OXR1: variants seen among roughly 807,000 people sequenced by gnomAD.
OXR1 encodes the protein oxidation resistance protein 1.
A neutral mutation model predicts 104.6 loss-of-function variants in OXR1; 41 were observed. That is an observed-to-expected ratio of 0.39 (90% confidence interval 0.31 to 0.51). The LOEUF is 0.51. OXR1 is among the 20% of genes least tolerant of loss of function. OXR1 has a pLI of 0.77. For synonymous variants in OXR1, 348 were observed against 348.4 expected (o/e 1.00, Z 0.01); for missense variants, 955 against 1,031.9 (o/e 0.93, Z 1.02).
intron 3 of OXR1, among the ~76,000 whole-genome samples, chr8:106,530,881 A>G (rs532241615): frequency 6.6e-6 from 1 of 152,360 alleles, no homozygotes; most frequent in African/African-American, 2.4e-5. Flanking sequence ...TTCAGGACAC[A>G]GAAGATATTA....
intron 2 of OXR1, among the ~76,000 whole-genome samples, chr8:106,436,895 A>G (rs957826384): frequency 2.6e-5 from 4 of 152,190 alleles, no homozygotes; most frequent in Admixed American, 6.5e-5. Context: ...CCCCTGGGGC[A>G]GGAAGATCAG....
At chr8:106,657,790 C>T in intron 3 of OXR1, 1 of 1,209,562 alleles carries the variant, frequency 8.3e-7, no homozygotes, top group Non-Finnish European at 1.0e-6. Flanking sequence ...TTTTGCTCCC[C>T]CGACGCGTGG....
At chr8:106,673,333 G>A (rs776081832) in intron 3 of OXR1, among the ~76,000 whole-genome samples, 17 of 152,088 alleles carry the variant, frequency 1.1e-4, no homozygotes, top group East Asian at 3.9e-4. Context: ...TATATAGAAC[G>A]TGAGAGAGAT....
At chr8:106,610,368 A>C (rs1820725084) in intron 3 of OXR1, among the ~76,000 whole-genome samples, 1 of 152,170 alleles carries the variant, frequency 6.6e-6, no homozygotes, top group African/African-American at 2.4e-5. Context: ...CCTCCAATCC[A>C]TCTTCTCATT....
intron 2 of OXR1, among the ~76,000 whole-genome samples, chr8:106,511,815 GA>G (rs1812551625): frequency 6.6e-6 from 1 of 152,176 alleles, no homozygotes; most frequent in South Asian, 2.1e-4. Flanking sequence ...CCTAATTCCA[GA>G]ATGTGGCCTT....
intron 2 of OXR1, among the ~76,000 whole-genome samples, chr8:106,409,216 G>A (rs1201760844): frequency 6.6e-6 from 1 of 152,086 alleles, no homozygotes; most frequent in Non-Finnish European, 1.5e-5. Flanking sequence ...AACCCCATTA[G>A]CTTCTCGGAA....
At chr8:106,411,459 G>A (rs1182215319) in intron 2 of OXR1, among the ~76,000 whole-genome samples, 3 of 152,184 alleles carry the variant, frequency 2.0e-5, no homozygotes, top group African/African-American at 7.2e-5. Flanking sequence ...GGAAGACATA[G>A]TTGGTTCATT....
chr8:106,637,781 A>C (rs1031221947), intron 3 of OXR1, among the ~76,000 whole-genome samples: 1 of 70,828 alleles, frequency 1.4e-5, no homozygotes, highest in African/African-American at 6.6e-5. Context: ...TTTTTTTTTT[A>C]GACGGAGTCT....
chr8:106,568,133 G>A (rs1002201530), intron 3 of OXR1, among the ~76,000 whole-genome samples: 1 of 152,040 alleles, frequency 6.6e-6, no homozygotes, highest in Non-Finnish European at 1.5e-5. Context: ...CTGCACTACT[G>A]ATCAAGTAAC....
At chr8:106,579,028 C>A in intron 3 of OXR1, among the ~76,000 whole-genome samples, 1 of 131,494 alleles carries the variant, frequency 7.6e-6, no homozygotes, top group South Asian at 2.4e-4. Flanking sequence ...ATACCCAATA[C>A]CACCTTCTTT....
chr8:106,494,428 A>G lies in OXR1; in HGVS notation c.24-24515A>G, dbSNP rs544984533. On this transcript the variant is annotated intron_variant, in intron 2 of 16. Coordinates refer to ENST00000517566, the MANE Select transcript of OXR1 (RefSeq NM_001198533.2). ...TTTGACGACCTTTCACCACACACACAGTAGGTGTGCACTGTAAGGAATGAA... is the reference window on the plus strand; with the variant it reads ...TTTGACGACCTTTCACCACACACACGGTAGGTGTGCACTGTAAGGAATGAA... 5.3e-5 allele frequency among the ~76,000 whole-genome samples: 8 copies of G among 152,276 alleles called. No individual in the cohort carries two copies. In the South Asian group the frequency reaches 1.7e-3, roughly 32 times the overall value.
chr8:106,526,790 C>T (rs759942073), intron 3 of OXR1, among the ~76,000 whole-genome samples: 1 of 152,154 alleles, frequency 6.6e-6, no homozygotes, highest in African/African-American at 2.4e-5. Context: ...TGATGCGCCC[C>T]CCTCTGCCTC....
intron 1 of OXR1, among the ~76,000 whole-genome samples, chr8:106,308,551 A>G (rs1813557600): frequency 6.6e-6 from 1 of 152,206 alleles, no homozygotes; most frequent in South Asian, 2.1e-4. Flanking sequence ...GAAGGGCCCA[A>G]GAATTCCTTG....
intron 11 of OXR1, among the ~76,000 whole-genome samples, chr8:106,724,085 A>G (rs2131476923): frequency 6.6e-6 from 1 of 152,290 alleles, no homozygotes; most frequent in East Asian, 1.9e-4. Context: ...GGCATAAAAT[A>G]ATAAATAGTG....
At position 106,706,396 on chromosome 8, in the gene OXR1, T is replaced by A. The variant is rs758449456; in HGVS notation, c.875T>A (p.Leu292Gln). 2 of 1,572,648 alleles carry A rather than the reference T, an allele frequency of 1.3e-6. No individual in the cohort carries two copies. Among genetic ancestry groups the A allele is most frequent in the Non-Finnish European group, 1.7e-6 (2 of 1,167,892 alleles). Residue 292 changes from leucine (L) to glutamine (Q), a missense_variant, in exon 9 of 17, where the codon CTA (leucine) becomes CAA (glutamine). Leu to Gln is a moderately radical substitution (Grantham distance 113). Coordinates refer to ENST00000517566, the MANE Select transcript of OXR1 (RefSeq NM_001198533.2). ...TTTAATGACAGAGATATAGATCAGC[T>A]ATCAGGAAGGGACTTCTGCCATTCA... ...KESLPIDIDQ[L>Q]SGRDFCHSKK... is the part of the protein sequence containing the mutation.
At chr8:106,577,937 C>T (rs960634995) in intron 3 of OXR1, among the ~76,000 whole-genome samples, 1 of 152,116 alleles carries the variant, frequency 6.6e-6, no homozygotes, top group Non-Finnish European at 1.5e-5. Context: ...ATTCAGTTTG[C>T]AGTTTTTCTA....
rs538544209 is a variant in OXR1 at position 106,646,307 on chromosome 8, A to G, written c.221-32903A>G. 4.9e-5 allele frequency among the ~76,000 whole-genome samples: 7 copies of G among 143,404 alleles called. No homozygotes were observed. In the East Asian group the frequency reaches 8.2e-4, roughly 17 times the overall value. The allele number at this position is 143,404 out of a possible 152,430, so 94.1% of individuals were successfully genotyped here. Reference sequence around the variant, plus strand: ...TTTTTAGTAGAGATTGGTTTTCGCTATGTTGGCCAGGCTGGTCTCAAACTC... The same window carrying G: ...TTTTTAGTAGAGATTGGTTTTCGCTGTGTTGGCCAGGCTGGTCTCAAACTC... On this transcript the variant is annotated intron_variant, in intron 3 of 16. Coordinates refer to ENST00000517566, the MANE Select transcript of OXR1 (RefSeq NM_001198533.2).
At chr8:106,589,726 G>A (rs966730130) in intron 3 of OXR1, among the ~76,000 whole-genome samples, 1 of 152,186 alleles carries the variant, frequency 6.6e-6, no homozygotes, top group East Asian at 1.9e-4. Context: ...GAGTGCAATG[G>A]CATGAACTCG....
At chr8:106,705,812 A>T (rs2131371067) in intron 8 of OXR1, among the ~76,000 whole-genome samples, 1 of 152,256 alleles carries the variant, frequency 6.6e-6, no homozygotes, top group East Asian at 1.9e-4. Context: ...ATTAAAGAGT[A>T]TAGTTGTTAG....
Sources: allele counts gnomAD v4.1 joint callset (sites outside exome capture counted in the v4.1 genomes callset), GRCh38; gene constraint gnomAD v4.1.1; transcripts MANE v1.5; gene names NCBI Gene and HGNC (gene_info 2026-07-23, HGNC 2026-07-21).